The following ADAD2 variants were observed in gnomAD, a reference collection of about 807,000 sequenced individuals.
ADAD2 encodes adenosine deaminase domain-containing protein 2.
ADAD2 carries 60 observed loss-of-function variants against 54.5 expected under a neutral mutation model. The observed-to-expected ratio is 1.10, with a 90% CI of 0.89 to 1.36. The LOEUF (loss-of-function observed/expected upper bound fraction) is 1.36, where lower values mean the gene tolerates loss of function less well. Ranked by LOEUF, ADAD2 falls within the 40% of genes most tolerant of loss-of-function variation. The pLI is 0.00. For synonymous variants in ADAD2, 543 were observed against 366.2 expected (o/e 1.48, Z -5.51); for missense variants, 1,103 against 801.3 (o/e 1.38, Z -4.54).
In ADAD2 at chr16:84,195,327, G is replaced by C; in HGVS notation, c.765G>C (p.Glu255Asp). 3.7e-6 allele frequency: 6 copies of C among 1,611,058 alleles called. No homozygotes were observed. The South Asian group carries it at 6.6e-5, about 18-fold the overall frequency. Residue 255 changes from glutamate (E) to aspartate (D), a missense_variant, in exon 5 of 10, where the codon GAG becomes GAC. By Grantham distance (45) the Glu-to-Asp change is conservative. Coordinates refer to ENST00000315906, the MANE Select transcript of ADAD2 (RefSeq NM_001145400.2). Reference sequence around the variant, plus strand: ...CGCGTGCCAGGGGCCACGTGAAGGAGATCTACAAGCTGGTGGCTCTGGGCA... The same window carrying C: ...CGCGTGCCAGGGGCCACGTGAAGGACATCTACAAGCTGGTGGCTCTGGGCA... ...EIPRARGHVK[E>D]IYKLVALGTG... is the part of the protein sequence containing the mutation.
At chr16:84,194,201 T>A in intron 1 of ADAD2, 1 of 1,572,312 alleles carries the variant, frequency 6.4e-7, no homozygotes, top group East Asian at 2.3e-5. Context: ...GAGTCACGCA[T>A]CCCTGCTGTG....
chr16:84,195,044 C>T (rs552937084), intron 3 of ADAD2, 25 bp from the exon 4 acceptor site: 5 of 1,612,578 alleles, frequency 3.1e-6, no homozygotes, highest in East Asian at 2.2e-5. Flanking sequence ...CCCCCTTCTA[C>T]CTGCAGTCTC....
In ADAD2 at chr16:84,195,612, C is replaced by A. The variant is rs756899996; in HGVS notation, c.967C>A (p.Pro323Thr). 7 of 1,605,100 alleles carry A rather than the reference C, an allele frequency of 4.4e-6. No individual in the cohort carries two copies. Among genetic ancestry groups the A allele is most frequent in the Non-Finnish European group, 6.0e-6 (7 of 1,176,158 alleles). The change falls in exon 6 of 10, where the codon CCC becomes ACC. Residue 323 changes from proline (P) to threonine (T), a missense_variant. Pro to Thr is a conservative substitution (Grantham distance 38). Transcript: ENST00000315906. The part of the protein sequence containing the change: ...EQSVLAPQPG[P>T]GPPFTLKPRV... ...GTCCGTGCTGGCCCCCCAGCCAGGG[C>A]CCGGACCCCCATTCACCCTCAAGCC...
In ADAD2 at chr16:84,196,701, T is replaced by G. The variant is rs1433961761; in HGVS notation, c.1581T>G (p.Phe527Leu). ...RLCKASFLRA[F>L]HQAARAVGKP... ...GCAAGGCCTCCTTTCTCCGGGCCTT[T>G]CACCAGGCGGCCAGGGCTGTGGGGA... is the stretch of plus-strand genomic sequence containing the variant. Residue 527 changes from phenylalanine to leucine, a missense_variant, in exon 9 of 10, where the codon TTT becomes TTG. Transcript: ENST00000315906. 5.6e-6 allele frequency: 9 copies of G among 1,613,308 alleles called. No homozygotes were observed. Among genetic ancestry groups the G allele is most frequent in the Non-Finnish European group, 7.6e-6 (9 of 1,179,956 alleles).
chr16:84,195,755 TG>T (rs2089720579), intron 6 of ADAD2, 58 bp downstream of exon 6: 2 of 1,535,944 alleles, frequency 1.3e-6, no homozygotes, highest in East Asian at 2.3e-5. Flanking sequence ...GGCTGCTGGG[TG>T]GGGGCCAGGG....
At position 84,196,711 on chromosome 16, in the gene ADAD2, G is replaced by A. The variant is rs774215953; in HGVS notation, c.1591G>A (p.Ala531Thr). ...CTTTCTCCGGGCCTTTCACCAGGCG[G>A]CCAGGGCTGTGGGGAAGCCCTACCT... The part of the protein sequence containing the change: ...ASFLRAFHQA[A>T]RAVGKPYLLA... The change falls in exon 9 of 10, where the codon GCC (alanine) becomes ACC (threonine). Residue 531 changes from alanine to threonine, a missense_variant. Physicochemically the swap from Ala to Thr is moderately conservative, Grantham distance 58. Coordinates refer to ENST00000315906, the MANE Select transcript of ADAD2 (RefSeq NM_001145400.2). The A allele has an allele frequency of 4.3e-6, 7 of 1,613,034 alleles. No individual in the cohort carries two copies. Among genetic ancestry groups the A allele is most frequent in the Non-Finnish European group, 5.1e-6 (6 of 1,179,996 alleles).
chr16:84,196,635 C>G lies in ADAD2; in HGVS notation c.1527-12C>G, dbSNP rs529705216. 6.2e-7 allele frequency: 1 copy of G among 1,612,448 alleles called. No individual in the cohort carries two copies. Among genetic ancestry groups the G allele is most frequent in the Non-Finnish European group, 8.5e-7 (1 of 1,179,486 alleles). ...ATCTCTCTGATCTCAGTGGTATCCT[C>G]TCTTCATCCAGTGCCGCCCTGGGGC... is the stretch of plus-strand genomic sequence containing the variant. On this transcript the variant is annotated splice_polypyrimidine_tract_variant and intron_variant, in intron 8 of 9. Transcript: ENST00000315906.
At position 84,191,396 on chromosome 16, in the gene ADAD2, G is replaced by A. The variant is rs950934311; in HGVS notation, c.166G>A (p.Gly56Ser). Residue 56 changes from glycine (G) to serine (S), a missense_variant, in exon 1 of 10, where the codon GGC (glycine) becomes AGC (serine). Transcript: ENST00000315906. ...APAPATYRAE[G>S]GWPQVSVLRD... The stretch of plus-strand genomic sequence containing the variant: ...CGCGCCCGCGACGTATCGCGCGGAG[G>A]GCGGGTGGCCCCAGGTCTCGGTGTT... 4 of 1,500,164 alleles carry A rather than the reference G, an allele frequency of 2.7e-6. No homozygotes were observed. The Admixed American group carries it at 7.4e-5, about 28-fold the overall frequency. The allele number at this position is 1,500,164 out of a possible 1,614,324, so 92.9% of individuals were successfully genotyped here.
At position 84,196,398 on chromosome 16, in the gene ADAD2, G is replaced by A. The variant is rs771735029; in HGVS notation, c.1526+28G>A. ...GAGAAGGGCCCCCTGGGGCCGGGCT[G>A]TGGAGCAGTGCTGGTGATGGAGGGC... On this transcript the variant is annotated intron_variant, in intron 8 of 9. Transcript: ENST00000315906. The A allele has an allele frequency of 3.1e-6, 5 of 1,598,168 alleles. No homozygotes were observed. In the Admixed American group the frequency reaches 8.6e-5, roughly 27 times the overall value.
In ADAD2 at chr16:84,195,101, G is replaced by C. The variant is rs1372856031; in HGVS notation, c.640G>C (p.Ala214Pro). ...CCTGACCCATGAGCAGCGCTGCGCAGCGTTGGTGAGCGCCGGCTTTGACCT... is the reference window on the plus strand; with the variant it reads ...CCTGACCCATGAGCAGCGCTGCGCACCGTTGGTGAGCGCCGGCTTTGACCT... ...NILTHEQRCA[A>P]LVSAGFDLLL... is the part of the protein sequence containing the mutation. Residue 214 changes from alanine to proline, a missense_variant, in exon 4 of 10, where the codon GCG becomes CCG. By Grantham distance (27) the Ala-to-Pro change is conservative. Transcript: ENST00000315906. The C allele has an allele frequency of 1.9e-6, 3 of 1,613,736 alleles. No homozygotes were observed. Among genetic ancestry groups the C allele is most frequent in the Non-Finnish European group, 2.5e-6 (3 of 1,179,990 alleles).
chr16:84,192,407 C>G (rs1237063928), intron 1 of ADAD2, among the ~76,000 whole-genome samples: 1 of 152,228 alleles, frequency 6.6e-6, no homozygotes. Flanking sequence ...TCCTGGGCCT[C>G]CAAAGTGCTG....
At position 84,196,906 on chromosome 16, in the gene ADAD2, C is replaced by A. The variant is rs1246810406; in HGVS notation, c.1684C>A (p.Leu562Ile). Residue 562 changes from leucine (L) to isoleucine (I), a missense_variant, in exon 10 of 10, where the codon CTC becomes ATC. Leu to Ile is a conservative substitution (Grantham distance 5). Coordinates refer to ENST00000315906, the MANE Select transcript of ADAD2 (RefSeq NM_001145400.2). Reference protein sequence around the residue: ...PYQEARRQLSLLLDQQGLGAW... With the variant: ...PYQEARRQLSILLDQQGLGAW... The stretch of plus-strand genomic sequence containing the variant: ...CCAGGAGGCTCGCAGGCAGCTGTCT[C>A]TCCTCCTGGACCAGCAGGGCCTGGG... 6 of 1,599,304 alleles carry A rather than the reference C, an allele frequency of 3.8e-6. No individual in the cohort carries two copies. In the South Asian group the frequency reaches 6.7e-5, roughly 18 times the overall value.
intron 2 of ADAD2, 55 bp from the exon 3 acceptor site, chr16:84,194,878 G>T (rs950840306): frequency 5.8e-6 from 9 of 1,548,514 alleles, no homozygotes; most frequent in Non-Finnish European, 7.0e-6. Flanking sequence ...GCTTCCTGAG[G>T]GACGGAGGGT....
Position 84,191,601 on chromosome 16 carries a change from C to T in ADAD2, c.371C>T (p.Ala124Val), listed in dbSNP as rs1014702043. The change falls in exon 1 of 10, where the codon GCG becomes GTG. Residue 124 changes from alanine to valine, a missense_variant. By Grantham distance (64) the Ala-to-Val change is moderately conservative. Coordinates refer to ENST00000315906, the MANE Select transcript of ADAD2 (RefSeq NM_001145400.2). ...GCCGTGTCCTTGCTCACGGAGTACG[C>T]GGCCAGCCTGGGCATCTTCCTGCTC... ...SQAVSLLTEYAASLGIFLLFR... is the reference protein window; with the variant it reads ...SQAVSLLTEYVASLGIFLLFR... 8 of 1,552,028 alleles carry T rather than the reference C, an allele frequency of 5.2e-6. No individual in the cohort carries two copies. Among genetic ancestry groups the T allele is most frequent in the Admixed American group, 3.9e-5 (2 of 51,502 alleles).
chr16:84,196,955 T>C lies in ADAD2; in HGVS notation c.1733T>C (p.Val578Ala). 1.2e-6 allele frequency: 2 copies of C among 1,603,896 alleles called. No individual in the cohort carries two copies. Among genetic ancestry groups the C allele is most frequent in the Non-Finnish European group, 8.5e-7 (1 of 1,176,478 alleles). ...GGGGCTTGGCCCTCGAAGCCACTGG[T>C]GGGCAAATTCAGAAACTGAAGCCAG... ...GLGAWPSKPLVGKFRN is the reference protein window; with the variant it reads ...GLGAWPSKPLAGKFRN The change falls in exon 10 of 10, where the codon GTG (valine) becomes GCG (alanine). Residue 578 changes from valine to alanine, a missense_variant. Coordinates refer to ENST00000315906, the MANE Select transcript of ADAD2 (RefSeq NM_001145400.2).
chr16:84,195,380 T>G lies in ADAD2; in HGVS notation c.818T>G (p.Leu273Arg). ...GGCAGCAGCTGCTGTGCTGGCTGGC[T>G]GGAGTTCTCGGGCCAGCAGCTCCAC... The part of the protein sequence containing the change: ...GTGSSCCAGW[L>R]EFSGQQLHDC... The change falls in exon 5 of 10, where the codon CTG becomes CGG. Residue 273 changes from leucine to arginine, a missense_variant. Leu to Arg is a moderately radical substitution (Grantham distance 102). Transcript: ENST00000315906. The G allele has an allele frequency of 1.9e-6, 3 of 1,609,124 alleles. No homozygotes were observed. Among genetic ancestry groups the G allele is most frequent in the Non-Finnish European group, 2.5e-6 (3 of 1,179,438 alleles).
At chr16:84,192,073 A>G (rs8049634) in intron 1 of ADAD2, among the ~76,000 whole-genome samples, 52,115 of 152,150 alleles carry the variant, frequency 0.34, 11,120 homozygotes, top group African/African-American at 0.61. Context: ...TGTACATGAT[A>G]CAGAGGTAAA....
Position 84,196,291 on chromosome 16 carries a change from C to T in ADAD2, c.1447C>T (p.Arg483Cys), listed in dbSNP as rs373054415. ...APSEPTPDTC[R>C]GLSLNWSLGD... Reference sequence around the variant, plus strand: ...TTCCGAACCCACCCCTGACACCTGCCGTGGCCTGAGCCTCAACTGGAGCCT... The same window carrying T: ...TTCCGAACCCACCCCTGACACCTGCTGTGGCCTGAGCCTCAACTGGAGCCT... Residue 483 changes from arginine (R) to cysteine (C), a missense_variant, in exon 8 of 10, where the codon CGT becomes TGT. Coordinates refer to ENST00000315906, the MANE Select transcript of ADAD2 (RefSeq NM_001145400.2). 22 of 1,612,884 alleles carry T rather than the reference C, an allele frequency of 1.4e-5. No homozygotes were observed. The highest frequency in any genetic ancestry group is 7.7e-5 in the South Asian group (7 of 91,084).
At chr16:84,196,565 AGGAG>A in intron 8 of ADAD2, 78 bp from the exon 9 acceptor site, 1 of 1,573,380 alleles carries the variant, frequency 6.4e-7, no homozygotes, top group Non-Finnish European at 8.7e-7. Flanking sequence ...ACAGTGTGAG[AGGAG>A]GTAGTGTGAG....
Sources: allele counts gnomAD v4.1 joint callset (sites outside exome capture counted in the v4.1 genomes callset), GRCh38; gene constraint gnomAD v4.1.1; transcripts MANE v1.5; gene names NCBI Gene and HGNC (gene_info 2026-07-23, HGNC 2026-07-21).